The following SSBP3 variants were observed in gnomAD, a reference collection of about 807,000 sequenced individuals.
The protein encoded by SSBP3 is single stranded DNA binding protein 3.
SSBP3 carries 5 observed loss-of-function variants against 69.6 expected under a neutral mutation model. That is an observed-to-expected ratio of 0.07 (90% CI 0.04 to 0.15). The LOEUF is 0.15. SSBP3 is among the 10% of genes least tolerant of loss of function. The pLI, the probability that SSBP3 is intolerant of heterozygous loss-of-function variation, is 1.00. For missense variants in SSBP3, 312 were observed against 534.0 expected (o/e 0.58, Z 4.10); for synonymous variants, 196 against 193.4 (o/e 1.01, Z -0.11).
In SSBP3 at chr1:54,258,165, G is replaced by A; in HGVS notation, c.367-16C>T. 11 of 1,552,746 alleles carry A rather than the reference G, an allele frequency of 7.1e-6. No homozygotes were observed. Among genetic ancestry groups the A allele is most frequent in the South Asian group, 2.4e-5 (2 of 83,848 alleles). On this transcript the variant is annotated splice_polypyrimidine_tract_variant and intron_variant, in intron 5 of 17. Coordinates refer to ENST00000610401, the Ensembl canonical transcript of SSBP3. The surrounding 1 kb of genome is among the most constrained non-coding windows in gnomAD (Gnocchi z 4.5). ...CCGGAGGACCCTGTGAGGCCAGACAGTAGAGGCAGGTTATAGATCACAGCA... is the reference window on the plus strand; with the variant it reads ...CCGGAGGACCCTGTGAGGCCAGACAATAGAGGCAGGTTATAGATCACAGCA...
chr1:54,253,191 T>A lies in SSBP3; in HGVS notation c.508-1331A>T, dbSNP rs1158715576. ...TTGTTTTTGTTTTTTTTTTAGTTTT[T>A]GTTTTTTTTTTTTTTTAAGACAGGG... On this transcript the variant is annotated intron_variant, in intron 7 of 17. Transcript: ENST00000610401. Among the ~76,000 whole-genome samples the A allele has an allele frequency of 6.2e-4, 86 of 139,132 alleles. 2 individuals carry two copies. The highest frequency in any genetic ancestry group is 3.2e-3 in the Admixed American group (46 of 14,262). The allele number at this position is 139,132 out of a possible 152,430, so 91.3% of individuals were successfully genotyped here.
In SSBP3 at chr1:54,240,083, TGTGTGCGCGCGCGCGCGTGTGCGTGCGC is replaced by T. The variant is rs1470957232; in HGVS notation, c.856+794_856+821del. Among the ~76,000 whole-genome samples the T allele has an allele frequency of 6.2e-4, 44 of 71,312 alleles. No individual in the cohort carries two copies. The East Asian group carries it at 0.012, about 19-fold the overall frequency. 46.8% of individuals were successfully genotyped at this position (71,312 alleles called of 152,430 possible). A position where few individuals can be genotyped will look rare whatever the true frequency, so the allele number is the denominator to read the frequency against. On this transcript the variant is annotated intron_variant, in intron 13 of 17. Transcript: ENST00000610401. ...GTGTGTGTGTGTGTGTGTGTGTGTG[TGTGTGCGCGCGCGCGCGTGTGCGTGCGC>T]GCGCGCGCGCAACACATGCCCACGT... is the stretch of plus-strand genomic sequence containing the variant.
At chr1:54,361,429 AC>A (rs1469205682) in intron 4 of SSBP3, among the ~76,000 whole-genome samples, 8 of 152,108 alleles carry the variant, frequency 5.3e-5, no homozygotes, top group African/African-American at 1.9e-4. Context: ...GGAAAACCGA[AC>A]AACCCTAAAA....
chr1:54,333,895 T>C lies in SSBP3; in HGVS notation c.277-52368A>G, dbSNP rs142258316. ...GCCTGGGCAACAAAGCAAGATCCTA[T>C]CTATATAAAGTATTTTAAAACTAGG... is the stretch of plus-strand genomic sequence containing the variant. On this transcript the variant is annotated intron_variant, in intron 4 of 17. Coordinates refer to ENST00000610401, the Ensembl canonical transcript of SSBP3. Among the ~76,000 whole-genome samples, 800 of 152,034 alleles carry C rather than the reference T, an allele frequency of 5.3e-3. 5 individuals are homozygous for C. Among genetic ancestry groups the C allele is most frequent in the African/African-American group, 0.018 (766 of 41,432 alleles).
At chr1:54,281,617 T>TGG in intron 4 of SSBP3, 90 bp from the exon 5 acceptor site, 1 of 1,208,772 alleles carries the variant, frequency 8.3e-7, no homozygotes, top group South Asian at 1.3e-5. Context: ...TCCCTGTCCG[T>TGG]CCACATTCCC....
chr1:54,381,815 C>T (rs76638118), intron 4 of SSBP3, among the ~76,000 whole-genome samples: 220 of 152,382 alleles, frequency 1.4e-3, no homozygotes, highest in Non-Finnish European at 2.7e-3. Flanking sequence ...ACCCCACAAT[C>T]CCCTGAGGGG....
At chr1:54,395,182 T>C (rs1416408018) in intron 4 of SSBP3, among the ~76,000 whole-genome samples, 1 of 152,162 alleles carries the variant, frequency 6.6e-6, no homozygotes, top group African/African-American at 2.4e-5. Flanking sequence ...CTGTTAACAA[T>C]GACACAGGAT....
chr1:54,313,457 T>C (rs1400141338), intron 4 of SSBP3, among the ~76,000 whole-genome samples: 25 of 148,520 alleles, frequency 1.7e-4, no homozygotes, highest in Admixed American at 1.0e-3. Flanking sequence ...TTTTTTTTTT[T>C]TTTTCTTTTT....
At chr1:54,394,456 C>T (rs1050315106) in intron 4 of SSBP3, among the ~76,000 whole-genome samples, 2 of 151,344 alleles carry the variant, frequency 1.3e-5, no homozygotes, top group African/African-American at 4.9e-5. Context: ...TCTTTTTAAG[C>T]CCACATCTCA....
chr1:54,390,768 A>AGCTGCG (rs1648428474), intron 4 of SSBP3, among the ~76,000 whole-genome samples: 1 of 152,216 alleles, frequency 6.6e-6, no homozygotes, highest in Admixed American at 6.5e-5. Context: ...CCCTGCCCGG[A>AGCTGCG]GCTGCGGGCC....
intron 4 of SSBP3, among the ~76,000 whole-genome samples, chr1:54,369,614 G>A (rs2100671289): frequency 6.6e-6 from 1 of 152,306 alleles, no homozygotes; most frequent in Non-Finnish European, 1.5e-5. Context: ...CTTGTGGTCT[G>A]GCTATACAAG....
At chr1:54,371,978 T>A (rs1393656679) in intron 4 of SSBP3, among the ~76,000 whole-genome samples, 1 of 152,028 alleles carries the variant, frequency 6.6e-6, no homozygotes. Flanking sequence ...TGGGTTATAC[T>A]CACTTTACAG....
chr1:54,304,890 A>T (rs1043734112), intron 4 of SSBP3, among the ~76,000 whole-genome samples: 1 of 152,134 alleles, frequency 6.6e-6, no homozygotes, highest in Non-Finnish European at 1.5e-5. Flanking sequence ...AGATAAACAG[A>T]GAAACACATT....
chr1:54,380,791 T>C (rs1473159987), intron 4 of SSBP3, among the ~76,000 whole-genome samples: 1 of 152,064 alleles, frequency 6.6e-6, no homozygotes, highest in Non-Finnish European at 1.5e-5. Context: ...TTAAGTCAAG[T>C]CTGACAGAGT....
chr1:54,300,543 G>A (rs376894222), intron 4 of SSBP3, among the ~76,000 whole-genome samples: 2 of 152,278 alleles, frequency 1.3e-5, no homozygotes, highest in East Asian at 1.9e-4. Flanking sequence ...ACAGAGTACC[G>A]CACAGGCCTG....
chr1:54,403,272 G>C (rs1177649283), intron 3 of SSBP3, among the ~76,000 whole-genome samples: 1 of 152,164 alleles, frequency 6.6e-6, no homozygotes, highest in East Asian at 1.9e-4. Context: ...GCTGCAGAGG[G>C]GGGCTGGAGA....
At chr1:54,369,225 G>GC (rs1470193308) in intron 4 of SSBP3, among the ~76,000 whole-genome samples, 1 of 150,166 alleles carries the variant, frequency 6.7e-6, no homozygotes, top group African/African-American at 2.5e-5. Flanking sequence ...AGTCGGGGGG[G>GC]GGGCCCAAGC....
chr1:54,381,946 C>A (rs1302743165), intron 4 of SSBP3, among the ~76,000 whole-genome samples: 2 of 152,220 alleles, frequency 1.3e-5, no homozygotes, highest in Non-Finnish European at 2.9e-5. Flanking sequence ...GCAATCCAAG[C>A]ACTTTGGGAG....
At position 54,272,563 on chromosome 1, in the gene SSBP3, A is replaced by AC. The variant is rs1645213319; in HGVS notation, c.366+8874dup. ...GGTGGGGACAGGAGCAAGAGAGTCC[A>AC]CCCCTCAGTCAGCTATGAAGAGACA... On this transcript the variant is annotated intron_variant, in intron 5 of 17. Transcript: ENST00000610401. 5.9e-5 allele frequency among the ~76,000 whole-genome samples: 9 copies of AC among 151,542 alleles called. No individual in the cohort carries two copies. The South Asian group carries it at 1.7e-3, about 28-fold the overall frequency.
Sources: gnomAD v4.1 joint callset for allele counts (sites outside exome capture counted in the v4.1 genomes callset) on GRCh38, gnomAD v4.1.1 for gene constraint, Gnocchi (gnomAD v3.1) non-coding constraint, MANE v1.5 for transcripts, NCBI Gene and HGNC (gene_info 2026-07-23, HGNC 2026-07-21) for gene names.